Variants in MAEA observed in about 807,000 individuals in gnomAD.
MAEA encodes the protein E3 ubiquitin-protein transferase MAEA.
MAEA carries 22 observed loss-of-function variants against 46.2 expected under a neutral mutation model. The ratio of observed to expected loss-of-function variants is 0.48; its 90% confidence interval spans 0.34 to 0.68. The LOEUF (loss-of-function observed/expected upper bound fraction) is 0.68, where lower values mean the gene tolerates loss of function less well. MAEA is among the 30% of genes least tolerant of loss of function. The pLI is 0.01. For missense variants in MAEA, 393 were observed against 558.1 expected (o/e 0.70, Z 2.98); for synonymous variants, 246 against 222.6 (o/e 1.11, Z -0.94).
intron 7 of MAEA, 58 bp downstream of exon 7, chr4:1,337,052 T>A: frequency 6.3e-7 from 1 of 1,588,628 alleles, no homozygotes. Context: ...TTTGGTCATA[T>A]TTTAACACGC....
intron 3 of MAEA, among the ~76,000 whole-genome samples, chr4:1,315,904 C>G (rs1737101155): frequency 7.6e-6 from 1 of 131,064 alleles, no homozygotes; most frequent in South Asian, 2.9e-4. Context: ...GTGTTTCTCC[C>G]CCACCCCGTG....
At chr4:1,332,557 T>C in intron 5 of MAEA, 200 bp from the exon 6 acceptor site, 1 of 469,356 alleles carries the variant, frequency 2.1e-6, no homozygotes, top group South Asian at 2.4e-5. Context: ...TCTAACAAGA[T>C]GTTTTTTACA....
intron 1 of MAEA, among the ~76,000 whole-genome samples, chr4:1,304,115 C>A (rs1451953839): frequency 3.3e-5 from 5 of 152,138 alleles, no homozygotes; most frequent in Non-Finnish European, 5.9e-5. Flanking sequence ...AGTCGTGTGG[C>A]TCCAGTTTCC....
chr4:1,322,778 TG>T (rs968342056), intron 4 of MAEA, among the ~76,000 whole-genome samples: 5 of 152,022 alleles, frequency 3.3e-5, no homozygotes, highest in Non-Finnish European at 7.4e-5. Context: ...CACAGAGTGT[TG>T]GGGCTGCTGG....
intron 4 of MAEA, among the ~76,000 whole-genome samples, chr4:1,326,453 C>T (rs897565976): frequency 2.0e-5 from 3 of 152,234 alleles, no homozygotes; most frequent in African/African-American, 7.2e-5. Context: ...CGCGTCTCAT[C>T]TTGGATGACT....
At chr4:1,297,998 T>C (rs1371134178) in intron 1 of MAEA, 6 of 456,142 alleles carry the variant, frequency 1.3e-5, no homozygotes, top group Non-Finnish European at 2.6e-5. Context: ...GCCCCTGCAC[T>C]GGCCACAGAA....
At chr4:1,297,977 C>T (rs764313559) in intron 1 of MAEA, 26 of 456,102 alleles carry the variant, frequency 5.7e-5, no homozygotes, top group Non-Finnish European at 8.8e-5. Flanking sequence ...ATGGAAACCC[C>T]GCTGTGCAAG....
At chr4:1,307,089 G>A (rs1487055213) in intron 1 of MAEA, among the ~76,000 whole-genome samples, 1 of 152,140 alleles carries the variant, frequency 6.6e-6, no homozygotes, top group Non-Finnish European at 1.5e-5. Context: ...CTGGCAGTCA[G>A]GTGCCATTTA....
chr4:1,297,609 C>T (rs747705336), intron 1 of MAEA, among the ~76,000 whole-genome samples: 9 of 152,160 alleles, frequency 5.9e-5, no homozygotes, highest in Admixed American at 2.0e-4. Flanking sequence ...CAGTCTGACG[C>T]GGTCGCCTGC....
intron 3 of MAEA, among the ~76,000 whole-genome samples, chr4:1,321,356 C>T (rs573887800): frequency 8.6e-5 from 13 of 151,708 alleles, no homozygotes; most frequent in Admixed American, 5.9e-4. Context: ...GTTTCAGAAA[C>T]GAGAAACCGT....
In MAEA at chr4:1,315,406, T is replaced by G; in HGVS notation, c.262T>G (p.Ser88Ala). The G allele has an allele frequency of 6.2e-7, 1 of 1,613,790 alleles. No homozygotes were observed. The highest frequency in any genetic ancestry group is 1.1e-5 in the South Asian group (1 of 91,074). ...GTTGTGTGTGGCTCAGGCGGTGGAA[T>G]CCATCCAGGCCGAGGACGAGAGCGC... ...LSVLKRKAVE[S>A]IQAEDESAKL... The change falls in exon 3 of 9, where the codon TCC becomes GCC. Residue 88 changes from serine to alanine, a missense_variant. Physicochemically the swap from Ser to Ala is moderately conservative, Grantham distance 99. Around this residue, in one of 2 missense-constraint regions of MAEA, gnomAD observed 358 missense variants for 537.9 expected, o/e 0.67. Transcript: ENST00000303400.
At chr4:1,333,622 C>T (rs2109003955) in intron 6 of MAEA, among the ~76,000 whole-genome samples, 1 of 152,222 alleles carries the variant, frequency 6.6e-6, no homozygotes, top group African/African-American at 2.4e-5. Context: ...CCCAACCCAG[C>T]AGCTGGCTGC....
rs552532681 is a variant in MAEA, at chr4:1,315,087, T to C, written c.253-310T>C. Among the ~76,000 whole-genome samples, 9 of 152,324 alleles carry C rather than the reference T, an allele frequency of 5.9e-5. No individual in the cohort carries two copies. In the South Asian group the frequency reaches 1.7e-3, roughly 28 times the overall value. ...AGTCACCTTATAATGATAAACAGTT[T>C]AACCAGAAAGGCATAGCAAATTTGA... is the stretch of plus-strand genomic sequence containing the variant. On this transcript the variant is annotated intron_variant, in intron 2 of 8. Coordinates refer to ENST00000303400, the MANE Select transcript of MAEA (RefSeq NM_001017405.3).
rs1374071342 is a variant in MAEA at position 1,339,926 on chromosome 4, A to G, written c.*757A>G. ...TGCAGAGGCCTTGCCGGATGGTTCC[A>G]TAACTGTAGAGTCTAATTGCTATCC... is the stretch of plus-strand genomic sequence containing the variant. On this transcript the variant is annotated 3_prime_UTR_variant, in exon 9 of 9. Coordinates refer to ENST00000303400, the MANE Select transcript of MAEA (RefSeq NM_001017405.3). 1 of 152,762 alleles carries G rather than the reference A, an allele frequency of 6.5e-6. No homozygotes were observed. Among genetic ancestry groups the G allele is most frequent in the Non-Finnish European group, 1.5e-5 (1 of 68,102 alleles). The allele number at this position is 152,762 out of a possible 1,614,324, so 9.5% of individuals were successfully genotyped here.
chr4:1,323,675 C>T (rs1738433155), intron 4 of MAEA: 10 of 696,030 alleles, frequency 1.4e-5, no homozygotes, highest in South Asian at 1.3e-4. Context: ...CCGGCACACA[C>T]CTCACAGTGG....
Position 1,329,507 on chromosome 4 carries a change from G to A in MAEA, c.656+1804G>A, listed in dbSNP as rs571559613. On this transcript the variant is annotated intron_variant, in intron 5 of 8. Coordinates refer to ENST00000303400, the MANE Select transcript of MAEA (RefSeq NM_001017405.3). ...CCCGCAAGCAGACACGTGCTGCCTCGAAGCCTCAGCAGCCAGCCGGGCAGG... is the reference window on the plus strand; with the variant it reads ...CCCGCAAGCAGACACGTGCTGCCTCAAAGCCTCAGCAGCCAGCCGGGCAGG... 17 of 985,306 alleles carry A rather than the reference G, an allele frequency of 1.7e-5. No individual in the cohort carries two copies. The South Asian group carries it at 6.6e-4, about 38-fold the overall frequency. The allele number at this position is 985,306 out of a possible 1,614,324, so 61.0% of individuals were successfully genotyped here.
intron 1 of MAEA, among the ~76,000 whole-genome samples, chr4:1,290,585 G>A (rs919511267): frequency 6.6e-6 from 1 of 152,248 alleles, no homozygotes; most frequent in Non-Finnish European, 1.5e-5. Flanking sequence ...AGAAGGAGCC[G>A]ATACTTGTTC....
chr4:1,332,919 T>C (rs1712038313), intron 6 of MAEA, 54 bp downstream of exon 6: 1 of 1,401,868 alleles, frequency 7.1e-7, no homozygotes, highest in South Asian at 1.2e-5. Flanking sequence ...ATCCAGGGTG[T>C]GTCTCTGGTC....
At chr4:1,322,979 G>C (rs1157306150) in intron 4 of MAEA, among the ~76,000 whole-genome samples, 2 of 130,550 alleles carry the variant, frequency 1.5e-5, no homozygotes, top group Non-Finnish European at 3.1e-5. Context: ...TTTTTGAGAC[G>C]GAGTCTCGCT....
Sources: allele counts gnomAD v4.1 joint callset (sites outside exome capture counted in the v4.1 genomes callset), GRCh38; gene constraint gnomAD v4.1.1; regional missense constraint gnomAD v4.1.1; transcripts MANE v1.5; gene names NCBI Gene and HGNC (gene_info 2026-07-23, HGNC 2026-07-21).